Variants in KLF8 observed in about 807,000 individuals in gnomAD.
The protein encoded by KLF8 is KLF transcription factor 8, also known as Krueppel-like factor 8.
In KLF8, 10 loss-of-function variants were observed where a neutral mutation model predicts 18.2. That is an observed-to-expected ratio of 0.55 (90% CI 0.34 to 0.93). KLF8 has a LOEUF of 0.93. Ranked by LOEUF, KLF8 falls within the 40% of genes least tolerant of loss-of-function variation. The pLI is 0.02. For missense variants in KLF8, 264 were observed against 277.9 expected (o/e 0.95, Z 0.36); for synonymous variants, 109 against 97.3 (o/e 1.12, Z -0.71).
chrX:56,037,001 T>A, the KLF8 span, among the ~76,000 whole-genome samples: 3 of 112,589 alleles, frequency 2.7e-5, no homozygotes, highest in Admixed American at 2.8e-4. Flanking sequence ...GATTTTTGCA[T>A]TTTGATTTTA....
At chrX:56,126,694 T>G in the KLF8 span, among the ~76,000 whole-genome samples, 2 of 110,034 alleles carry the variant, frequency 1.8e-5, no homozygotes, top group Non-Finnish European at 3.8e-5. Context: ...GGAATTCTCT[T>G]CCCTCCAATA....
the KLF8 span, among the ~76,000 whole-genome samples, chrX:56,153,301 G>C: frequency 9.1e-6 from 1 of 109,754 alleles, no homozygotes; most frequent in Admixed American, 9.9e-5. Flanking sequence ...TTTGAAATGA[G>C]CTATGATTGC....
chrX:56,061,986 C>CTTTTTTTTTTTTTT, the KLF8 span, among the ~76,000 whole-genome samples: 5 of 57,120 alleles, frequency 8.8e-5, no homozygotes, highest in African/African-American at 4.0e-4. Context: ...GCAACCCCTG[C>CTTTTTTTTTTTTTT]TTTTTTTTTT....
intron 1 of KLF8, among the ~76,000 whole-genome samples, chrX:56,241,404 T>G (rs752977701): frequency 9.0e-6 from 1 of 111,686 alleles, no homozygotes. Flanking sequence ...TGACTTCAAG[T>G]GATCCACCCG....
chrX:56,235,498 C>T (rs773130412), intron 1 of KLF8, among the ~76,000 whole-genome samples: 135 of 105,827 alleles, frequency 1.3e-3, no homozygotes, highest in African/African-American at 4.4e-3. Context: ...CTTGCCGCAA[C>T]CTTCGCCTCC....
the KLF8 span, among the ~76,000 whole-genome samples, chrX:56,094,677 A>G: frequency 1.8e-5 from 2 of 111,356 alleles, no homozygotes; most frequent in Admixed American, 1.9e-4. Flanking sequence ...TAAAATGCAC[A>G]TGCCAAGAGA....
the KLF8 span, among the ~76,000 whole-genome samples, chrX:56,036,139 A>G: frequency 9.0e-6 from 1 of 111,367 alleles, no homozygotes; most frequent in Non-Finnish European, 1.9e-5. Context: ...ATACATATTT[A>G]TGGGGTACAT....
chrX:56,169,070 G>A, the KLF8 span, among the ~76,000 whole-genome samples: 1 of 111,430 alleles, frequency 9.0e-6, no homozygotes, highest in Non-Finnish European at 1.9e-5. Flanking sequence ...GCTTCTGGAT[G>A]ACATTTGTAG....
chrX:56,186,460 A>T, the KLF8 span, among the ~76,000 whole-genome samples: 1 of 111,456 alleles, frequency 9.0e-6, no homozygotes, highest in Non-Finnish European at 1.9e-5. Context: ...AACGTTAGAC[A>T]GATCAACGAG....
At chrX:56,064,523 T>C in the KLF8 span, among the ~76,000 whole-genome samples, 1 of 111,586 alleles carries the variant, frequency 9.0e-6, no homozygotes, top group Admixed American at 9.6e-5. Flanking sequence ...AAGCTTATTA[T>C]TGATATGTCA....
chrX:55,960,414 G>A, the KLF8 span, among the ~76,000 whole-genome samples: 6 of 111,486 alleles, frequency 5.4e-5, no homozygotes, highest in African/African-American at 2.0e-4. Context: ...TACTCGGGAG[G>A]CAGAGGCAGG....
At chrX:56,162,283 A>G in the KLF8 span, among the ~76,000 whole-genome samples, 1 of 111,854 alleles carries the variant, frequency 8.9e-6, no homozygotes, top group Non-Finnish European at 1.9e-5. Flanking sequence ...GAGAACCTCT[A>G]CTGTCTTCAA....
At chrX:55,908,669 C>T in the KLF8 span, 2 of 288,085 alleles carry the variant, frequency 6.9e-6, no homozygotes, top group Admixed American at 1.2e-4. Context: ...CCCCCTAACT[C>T]TTCACTCAAC....
chrX:56,146,844 G>C, the KLF8 span, among the ~76,000 whole-genome samples: 6 of 111,885 alleles, frequency 5.4e-5, no homozygotes, highest in Admixed American at 3.8e-4. Context: ...CTGTGAAAAA[G>C]GTTTAAAACA....
the KLF8 span, among the ~76,000 whole-genome samples, chrX:56,176,288 G>A: frequency 3.6e-5 from 4 of 111,556 alleles, no homozygotes; most frequent in African/African-American, 1.3e-4. Context: ...GTTCTTTTAG[G>A]GCAGGCCCGG....
At chrX:56,130,315 T>C in the KLF8 span, among the ~76,000 whole-genome samples, 3 of 111,743 alleles carry the variant, frequency 2.7e-5, no homozygotes, top group African/African-American at 6.5e-5. Flanking sequence ...TGAAGATGGT[T>C]CACATCAAAG....
the KLF8 span, among the ~76,000 whole-genome samples, chrX:55,951,741 T>C: frequency 9.1e-6 from 1 of 110,245 alleles, no homozygotes; most frequent in Admixed American, 9.7e-5. Flanking sequence ...TAAATATATA[T>C]ATATATAGGA....
intron 5 of KLF8, among the ~76,000 whole-genome samples, chrX:56,279,192 A>G (rs2067163962): frequency 9.0e-6 from 1 of 111,257 alleles, no homozygotes; most frequent in African/African-American, 3.3e-5. Context: ...GTACATGTTT[A>G]CAACTTTCAT....
At chrX:56,052,174 A>AT in the KLF8 span, among the ~76,000 whole-genome samples, 3 of 109,853 alleles carry the variant, frequency 2.7e-5, no homozygotes, top group Non-Finnish European at 5.7e-5. Context: ...ATTCTTCTAA[A>AT]TTTTTTTCAA....
Sources: gnomAD v4.1 joint callset for allele counts (sites outside exome capture counted in the v4.1 genomes callset) on GRCh38, gnomAD v4.1.1 for gene constraint, MANE v1.5 for transcripts, NCBI Gene and HGNC (gene_info 2026-07-23, HGNC 2026-07-21) for gene names.